Variants in TSN observed in about 807,000 individuals in gnomAD.
The protein encoded by TSN is component 3 of promoter of RISC.
A neutral mutation model predicts 29.4 loss-of-function variants in TSN; 5 were observed. The ratio of observed to expected loss-of-function variants is 0.17; its 90% confidence interval spans 0.09 to 0.36. TSN has a LOEUF of 0.36. Among genes scored for constraint, TSN ranks in the 10% least tolerant of loss-of-function variants. TSN has a pLI of 1.00. For missense variants in TSN, 159 were observed against 272.8 expected (o/e 0.58, Z 2.94); for synonymous variants, 106 against 102.2 (o/e 1.04, Z -0.23).
Position 121,763,046 on chromosome 2 carries a change from G to T in TSN, c.415G>T (p.Asp139Tyr). ...GAAAGGATTTCATCTGGATGTAGAA[G>T]ATTATCTCTCAGGAGTTCTAATTCT... The part of the protein sequence containing the change: ...REKGFHLDVE[D>Y]YLSGVLILAS... Residue 139 changes from aspartate (D) to tyrosine (Y), a missense_variant, in exon 5 of 6, where the codon GAT (aspartate) becomes TAT (tyrosine). Asp to Tyr is a radical substitution (Grantham distance 160). Coordinates refer to ENST00000389682, the MANE Select transcript of TSN (RefSeq NM_004622.3). 1 of 1,605,218 alleles carries T rather than the reference G, an allele frequency of 6.2e-7. No homozygotes were observed. The highest frequency in any genetic ancestry group is 8.5e-7 in the Non-Finnish European group (1 of 1,175,202).
At chr2:121,756,557 T>G in intron 1 of TSN, 1 of 1,037,680 alleles carries the variant, frequency 9.6e-7, no homozygotes. Context: ...TGTGCTTGGT[T>G]CCCCGGTATT....
rs1396173576 is a variant in TSN at position 121,765,829 on chromosome 2, T to C, written c.*462T>C. ...AAGATGGTTGCCAAGCAAGGAAAAC[T>C]TATTTTATATTTTCCCTTCCTTATT... On this transcript the variant is annotated 3_prime_UTR_variant, in exon 6 of 6. Coordinates refer to ENST00000389682, the MANE Select transcript of TSN (RefSeq NM_004622.3). 2 of 153,992 alleles carry C rather than the reference T, an allele frequency of 1.3e-5. No individual in the cohort carries two copies. Among genetic ancestry groups the C allele is most frequent in the African/African-American group, 4.8e-5 (2 of 41,484 alleles). The allele number at this position is 153,992 out of a possible 1,614,324, so 9.5% of individuals were successfully genotyped here. A position where few individuals can be genotyped will look rare whatever the true frequency, so the allele number is the denominator to read the frequency against.
intron 4 of TSN, among the ~76,000 whole-genome samples, chr2:121,761,908 C>T (rs1389634118): frequency 6.6e-6 from 1 of 152,076 alleles, no homozygotes; most frequent in Admixed American, 6.6e-5. Flanking sequence ...ACCTCCACCT[C>T]CCAGGTTCAA....
At chr2:121,764,587 A>G (rs2074877793) in intron 5 of TSN, among the ~76,000 whole-genome samples, 1 of 151,916 alleles carries the variant, frequency 6.6e-6, no homozygotes, top group Non-Finnish European at 1.5e-5. Context: ...ATGGAGCAGT[A>G]GGGGGTTGTA....
rs745535167 is a variant in TSN, at chr2:121,757,306, G to A, written c.133G>A (p.Val45Ile). 11 of 1,614,012 alleles carry A rather than the reference G, an allele frequency of 6.8e-6. No homozygotes were observed. The highest frequency in any genetic ancestry group is 3.3e-5 in the South Asian group (3 of 91,074). ...AREILTLLQG[V>I]HQGAGFQDIP... ...AGAGATTTTAACTCTACTGCAAGGG[G>A]TCCATCAGGGTGCTGGGTTTCAGGA... is the stretch of plus-strand genomic sequence containing the variant. The change falls in exon 2 of 6, where the codon GTC becomes ATC. Residue 45 changes from valine to isoleucine, a missense_variant. Around this residue, in one of 3 missense-constraint regions of TSN, gnomAD observed 43 missense variants for 68.6 expected, o/e 0.63. Coordinates refer to ENST00000389682, the MANE Select transcript of TSN (RefSeq NM_004622.3).
In TSN at chr2:121,767,481, G is replaced by C. The variant is rs1284355682; in HGVS notation, c.*2114G>C. 6.6e-6 allele frequency: 1 copy of C among 152,086 alleles called. No individual in the cohort carries two copies. Among genetic ancestry groups the C allele is most frequent in the Non-Finnish European group, 1.5e-5 (1 of 68,028 alleles). 9.4% of individuals were successfully genotyped at this position (152,086 alleles called of 1,614,324 possible). A position where few individuals can be genotyped will look rare whatever the true frequency, so the allele number is the denominator to read the frequency against. On this transcript the variant is annotated 3_prime_UTR_variant, in exon 6 of 6. Transcript: ENST00000389682. Reference sequence around the variant, plus strand: ...ATTTGTGTGTTATACCTTGATTGGGGAATTAAAAGTCATTTAACTGAAGAT... The same window carrying C: ...ATTTGTGTGTTATACCTTGATTGGGCAATTAAAAGTCATTTAACTGAAGAT...
intron 1 of TSN, chr2:121,756,778 G>T (rs1205106076): frequency 4.9e-6 from 2 of 408,736 alleles, no homozygotes; most frequent in East Asian, 1.9e-4. Context: ...GCATGGTTGC[G>T]CACACCTGTA....
chr2:121,761,905 C>T (rs1455963398), intron 4 of TSN, among the ~76,000 whole-genome samples: 1 of 152,104 alleles, frequency 6.6e-6, no homozygotes, highest in Non-Finnish European at 1.5e-5. Flanking sequence ...GCAACCTCCA[C>T]CTCCCAGGTT....
At chr2:121,760,848 A>G (rs2074815956) in intron 3 of TSN, among the ~76,000 whole-genome samples, 1 of 150,048 alleles carries the variant, frequency 6.7e-6, no homozygotes, top group East Asian at 1.9e-4. Flanking sequence ...GTCATCTGTA[A>G]TCTTCAGTTT....
chr2:121,760,076 A>G (rs1477797118), intron 3 of TSN, among the ~76,000 whole-genome samples: 1 of 152,240 alleles, frequency 6.6e-6, no homozygotes, highest in African/African-American at 2.4e-5. Flanking sequence ...TGGGATGCAC[A>G]GAAGGAGGTG....
At position 121,765,487 on chromosome 2, in the gene TSN, A is replaced by T; in HGVS notation, c.*120A>T. 1 of 914,852 alleles carries T rather than the reference A, an allele frequency of 1.1e-6. No homozygotes were observed. Among genetic ancestry groups the T allele is most frequent in the Non-Finnish European group, 1.7e-6 (1 of 601,814 alleles). The allele number at this position is 914,852 out of a possible 1,614,324, so 56.7% of individuals were successfully genotyped here. ...CTAAACACTGCGCTTTATTTTCTTA[A>T]CCAGTTGTGGTGTGAGTATCAGAAT... On this transcript the variant is annotated 3_prime_UTR_variant, in exon 6 of 6. Transcript: ENST00000389682.
Position 121,765,735 on chromosome 2 carries a change from T to C in TSN, c.*368T>C, listed in dbSNP as rs1558694144. On this transcript the variant is annotated 3_prime_UTR_variant, in exon 6 of 6. Transcript: ENST00000389682. ...TTCTTCCAGATGTGATGCTTGATAT[T>C]TTCTATATGCGAGTTAGCCATCCAC... The C allele has an allele frequency of 4.8e-6, 1 of 207,286 alleles. No individual in the cohort carries two copies. The highest frequency in any genetic ancestry group is 5.4e-5 in the Admixed American group (1 of 18,678). The allele number at this position is 207,286 out of a possible 1,614,324, so 12.8% of individuals were successfully genotyped here.
intron 2 of TSN, among the ~76,000 whole-genome samples, chr2:121,757,914 G>A (rs893624736): frequency 1.3e-5 from 2 of 151,882 alleles, no homozygotes; most frequent in Non-Finnish European, 2.9e-5. Flanking sequence ...GATCCGCCTG[G>A]CTGGGCCTCT....
chr2:121,763,206 A>C, intron 5 of TSN, 122 bp downstream of exon 5: 1 of 641,184 alleles, frequency 1.6e-6, no homozygotes, highest in African/African-American at 2.0e-5. Flanking sequence ...GCAGTGGCGC[A>C]ATCTCGGCTC....
intron 2 of TSN, among the ~76,000 whole-genome samples, chr2:121,758,444 G>C (rs2074778502): frequency 6.6e-6 from 1 of 152,142 alleles, no homozygotes; most frequent in Non-Finnish European, 1.5e-5. Context: ...ATCTCCTTAA[G>C]GATGACGTTA....
At chr2:121,755,984 G>C in intron 1 of TSN, 139 bp downstream of exon 1, 6 of 1,481,298 alleles carry the variant, frequency 4.1e-6, no homozygotes, top group Non-Finnish European at 5.4e-6. Flanking sequence ...CTTTAGGTTA[G>C]GCACTCCCCG....
intron 5 of TSN, among the ~76,000 whole-genome samples, chr2:121,763,926 G>C (rs185188334): frequency 6.6e-6 from 1 of 152,310 alleles, no homozygotes; most frequent in Non-Finnish European, 1.5e-5. Context: ...TCCAGGGCTG[G>C]TCTGATGATT....
intron 4 of TSN, among the ~76,000 whole-genome samples, chr2:121,762,692 T>A (rs182516408): frequency 6.6e-6 from 1 of 152,324 alleles, no homozygotes; most frequent in Admixed American, 6.5e-5. Flanking sequence ...TGTCAGCCAT[T>A]TGAAAGTTGC....
rs1366133130 is a variant in TSN, at chr2:121,757,302, A to G, written c.129A>G (p.Gln43=). Residue 43 remains glutamine, a synonymous_variant, in exon 2 of 6, where the codon CAA becomes CAG. Coordinates refer to ENST00000389682, the MANE Select transcript of TSN (RefSeq NM_004622.3). ...CTCGAGAGATTTTAACTCTACTGCA[A>G]GGGGTCCATCAGGGTGCTGGGTTTC... The part of the protein sequence containing the change: ...QTAREILTLL[Q]GVHQGAGFQD... 2 of 1,614,080 alleles carry G rather than the reference A, an allele frequency of 1.2e-6. No individual in the cohort carries two copies. The highest frequency in any genetic ancestry group is 1.3e-5 in the African/African-American group (1 of 74,950).
Sources: allele counts gnomAD v4.1 joint callset (sites outside exome capture counted in the v4.1 genomes callset), GRCh38; gene constraint gnomAD v4.1.1; regional missense constraint gnomAD v4.1.1; transcripts MANE v1.5; gene names NCBI Gene and HGNC (gene_info 2026-07-23, HGNC 2026-07-21).